DPYSL2: variants seen among roughly 807,000 people sequenced by gnomAD.
The protein encoded by DPYSL2 is dihydropyrimidinase like 2.
In DPYSL2, 13 loss-of-function variants were observed where a neutral mutation model predicts 69.9. That is an observed-to-expected ratio of 0.19 (90% CI 0.12 to 0.30). The LOEUF (loss-of-function observed/expected upper bound fraction) is 0.30. DPYSL2 is among the 10% of genes least tolerant of loss of function. The pLI, the probability that DPYSL2 is intolerant of heterozygous loss-of-function variation, is 1.00. For missense variants in DPYSL2, 587 were observed against 918.9 expected (o/e 0.64, Z 4.67); for synonymous variants, 326 against 359.1 (o/e 0.91, Z 1.04).
At chr8:26,523,634 G>T (rs563510704) in intron 1 of DPYSL2, among the ~76,000 whole-genome samples, 2 of 152,088 alleles carry the variant, frequency 1.3e-5, no homozygotes, top group South Asian at 4.2e-4. Context: ...TCATGTTGTA[G>T]CATGTGTCAG....
intron 1 of DPYSL2, among the ~76,000 whole-genome samples, chr8:26,515,291 G>T (rs1563371164): frequency 6.6e-6 from 1 of 152,210 alleles, no homozygotes; most frequent in East Asian, 1.9e-4. Flanking sequence ...GAAGGCTGTG[G>T]AGTCACCCGA....
chr8:26,597,238 T>C lies in DPYSL2; in HGVS notation c.628+13255T>C, dbSNP rs555211723. ...CAATCAAGAGGAGTAACTGATGCCA[T>C]GCATTCATCAACTGAACTTAATCCT... On this transcript the variant is annotated intron_variant, in intron 3 of 13. Coordinates refer to ENST00000521913, the MANE Select transcript of DPYSL2 (RefSeq NM_001197293.3). This position sits in a 1 kb window ranked among gnomAD's most constrained non-coding sequence, Gnocchi z 5.2. Among the ~76,000 whole-genome samples the C allele has an allele frequency of 1.3e-5, 2 of 152,316 alleles. No individual in the cohort carries two copies. Among genetic ancestry groups the C allele is most frequent in the South Asian group, 4.1e-4 (2 of 4,830 alleles).
chr8:26,552,746 C>T (rs2117638023), intron 1 of DPYSL2, among the ~76,000 whole-genome samples: 1 of 152,256 alleles, frequency 6.6e-6, no homozygotes, highest in South Asian at 2.1e-4. Flanking sequence ...CCTCAATAAC[C>T]CATTAATTGG....
intron 1 of DPYSL2, among the ~76,000 whole-genome samples, chr8:26,535,726 G>T (rs1459209658): frequency 6.6e-6 from 1 of 151,820 alleles, no homozygotes; most frequent in Non-Finnish European, 1.5e-5. Context: ...TGGTCAAGAT[G>T]ATATTGTTAA....
In DPYSL2 at chr8:26,610,865, G is replaced by A. The variant is rs1290968789; in HGVS notation, c.629-13278G>A. Reference sequence around the variant, plus strand: ...TTAGCTGTTCGTAGATACTATTTCAGAACAATGCTGTGAGTAGATACTATT... The same window carrying A: ...TTAGCTGTTCGTAGATACTATTTCAAAACAATGCTGTGAGTAGATACTATT... On this transcript the variant is annotated intron_variant, in intron 3 of 13. Transcript: ENST00000521913. The surrounding 1 kb of genome is among the most constrained non-coding windows in gnomAD (Gnocchi z 4.5). 6.6e-6 allele frequency among the ~76,000 whole-genome samples: 1 copy of A among 152,140 alleles called. No individual in the cohort carries two copies. The highest frequency in any genetic ancestry group is 1.5e-5 in the Non-Finnish European group (1 of 68,026).
At chr8:26,589,101 C>T (rs1367875443) in intron 3 of DPYSL2, among the ~76,000 whole-genome samples, 1 of 152,056 alleles carries the variant, frequency 6.6e-6, no homozygotes, top group African/African-American at 2.4e-5. Context: ...CTCAGAGAAT[C>T]AGCCCAAGTG....
intron 1 of DPYSL2, chr8:26,578,219 C>G (rs1357555751): frequency 2.3e-5 from 37 of 1,613,320 alleles, no homozygotes; most frequent in Non-Finnish European, 3.1e-5. Flanking sequence ...TGCCTTAAAG[C>G]TGCCCTCTTG....
Position 26,655,612 on chromosome 8 carries a change from C to A in DPYSL2, c.1943-3C>A. 1 of 1,605,774 alleles carries A rather than the reference C, an allele frequency of 6.2e-7. No homozygotes were observed. The highest frequency in any genetic ancestry group is 8.5e-7 in the Non-Finnish European group (1 of 1,174,760). ...CCGCTCCTCTCTTCTCCTCTCCCTC[C>A]AGGTGCTCAGATTGATGACAACATT... is the stretch of plus-strand genomic sequence containing the variant. On this transcript the variant is annotated splice_region_variant and splice_polypyrimidine_tract_variant and intron_variant, in intron 13 of 13. Coordinates refer to ENST00000521913, the MANE Select transcript of DPYSL2 (RefSeq NM_001197293.3).
chr8:26,578,030 C>T, intron 1 of DPYSL2: 2 of 1,394,144 alleles, frequency 1.4e-6, no homozygotes, highest in Admixed American at 3.1e-5. Flanking sequence ...TTTTTTCCGC[C>T]CTAGCTGGGG....
chr8:26,581,378 CTT>C (rs1244993798), intron 1 of DPYSL2, among the ~76,000 whole-genome samples: 23 of 141,542 alleles, frequency 1.6e-4, no homozygotes, highest in Admixed American at 2.8e-4. Flanking sequence ...GTACTATCTT[CTT>C]TTTTTTTTTT....
rs947892506 is a variant in DPYSL2, at chr8:26,609,963, G to A, written c.629-14180G>A. On this transcript the variant is annotated intron_variant, in intron 3 of 13. Coordinates refer to ENST00000521913, the MANE Select transcript of DPYSL2 (RefSeq NM_001197293.3). The surrounding 1 kb of genome is among the most constrained non-coding windows in gnomAD (Gnocchi z 6.5). ...CCTCCTCCCTGTCACATGCACATGG[G>A]CATACACACACGTACACACTCACCC... Among the ~76,000 whole-genome samples the A allele has an allele frequency of 8.3e-4, 127 of 152,276 alleles. No homozygotes were observed. The highest frequency in any genetic ancestry group is 2.6e-3 in the African/African-American group (108 of 41,536).
chr8:26,528,890 TG>T (rs955320973), intron 1 of DPYSL2, among the ~76,000 whole-genome samples: 2 of 152,066 alleles, frequency 1.3e-5, no homozygotes, highest in African/African-American at 4.8e-5. Context: ...TGATGGGCCC[TG>T]GAGCATAGTG....
intron 1 of DPYSL2, among the ~76,000 whole-genome samples, chr8:26,530,961 A>G (rs1474098356): frequency 6.6e-6 from 1 of 151,364 alleles, no homozygotes; most frequent in African/African-American, 2.4e-5. Context: ...CAGGAGGCTG[A>G]GGTGCGAGGA....
chr8:26,578,921 G>A (rs1296354497), intron 1 of DPYSL2, among the ~76,000 whole-genome samples: 1 of 150,800 alleles, frequency 6.6e-6, no homozygotes, highest in Non-Finnish European at 1.5e-5. Context: ...GGGCAAGGCG[G>A]GGGCTTCTTG....
intron 1 of DPYSL2, among the ~76,000 whole-genome samples, chr8:26,528,933 G>A (rs948988895): frequency 3.3e-5 from 5 of 152,140 alleles, no homozygotes; most frequent in African/African-American, 1.2e-4. Context: ...CCTGACCCTG[G>A]GGTGATTAGG....
At chr8:26,515,128 C>T (rs901338060) in intron 1 of DPYSL2, among the ~76,000 whole-genome samples, 2 of 152,058 alleles carry the variant, frequency 1.3e-5, no homozygotes, top group African/African-American at 2.4e-5. Flanking sequence ...TCGGGAGGGG[C>T]GGGGGTTCGG....
At chr8:26,526,766 T>C (rs1000354715) in intron 1 of DPYSL2, among the ~76,000 whole-genome samples, 3 of 152,168 alleles carry the variant, frequency 2.0e-5, no homozygotes, top group Non-Finnish European at 4.4e-5. Flanking sequence ...CCAGTTGGGT[T>C]TGTGCCTTGT....
rs187676050 is a variant in DPYSL2, at chr8:26,582,159, G to C, written c.443+102G>C. The C allele has an allele frequency of 1.7e-4, 151 of 877,642 alleles. 1 individual carries two copies. In the African/African-American group the frequency reaches 2.3e-3, roughly 14 times the overall value. The allele number at this position is 877,642 out of a possible 1,614,324, so 54.4% of individuals were successfully genotyped here. A position where few individuals can be genotyped will look rare whatever the true frequency, so the allele number is the denominator to read the frequency against. On this transcript the variant is annotated intron_variant, in intron 2 of 13. Coordinates refer to ENST00000521913, the MANE Select transcript of DPYSL2 (RefSeq NM_001197293.3). This position sits in a 1 kb window ranked among gnomAD's most constrained non-coding sequence, Gnocchi z 4.1. ...AAAGTATCAAACTTCAGGAACATCAGAGAGTGACCAACTTAGTATCTGTTT... is the reference window on the plus strand; with the variant it reads ...AAAGTATCAAACTTCAGGAACATCACAGAGTGACCAACTTAGTATCTGTTT...
Position 26,648,130 on chromosome 8 carries a change from A to G in DPYSL2, c.1596+330A>G, listed in dbSNP as rs916362026. Among the ~76,000 whole-genome samples the G allele has an allele frequency of 3.8e-4, 58 of 152,140 alleles. No individual in the cohort carries two copies. Among genetic ancestry groups the G allele is most frequent in the African/African-American group, 1.2e-3 (51 of 41,442 alleles). On this transcript the variant is annotated intron_variant, in intron 11 of 13. Transcript: ENST00000521913. The surrounding 1 kb of genome is among the most constrained non-coding windows in gnomAD (Gnocchi z 4.3). ...TTCATAGGTTGGCACAGCACTTCTC[A>G]TGGCAGTACTTGGTGCAAGGGACCT...
Sources: allele counts gnomAD v4.1 joint callset (sites outside exome capture counted in the v4.1 genomes callset), GRCh38; gene constraint gnomAD v4.1.1; non-coding constraint Gnocchi (gnomAD v3.1); transcripts MANE v1.5; gene names NCBI Gene and HGNC (gene_info 2026-07-23, HGNC 2026-07-21).